Variants in CFAP299 observed in about 807,000 individuals in gnomAD.
CFAP299 encodes cilia and flagella associated protein 299.
Under a neutral mutation model 27.0 loss-of-function variants are expected in CFAP299, and 21 were observed. The observed-to-expected ratio is 0.78, with a 90% CI of 0.55 to 1.12. The LOEUF is 1.12. CFAP299 is among the 50% of genes most tolerant of loss of function. CFAP299 has a pLI of 0.00. For synonymous variants in CFAP299, 104 were observed against 98.1 expected, an observed-to-expected ratio of 1.06 and a Z score of -0.36; for missense variants, 310 against 276.6, an observed-to-expected ratio of 1.12 and a Z score of -0.86.
chr4:80,703,715 A>G (rs1047626414), intron 3 of CFAP299, among the ~76,000 whole-genome samples: 1 of 151,496 alleles, frequency 6.6e-6, no homozygotes, highest in Non-Finnish European at 1.5e-5. Flanking sequence ...CCTTTCTCCC[A>G]TTCTTCCCCT....
intron 4 of CFAP299, among the ~76,000 whole-genome samples, chr4:80,877,108 T>C (rs1041423245): frequency 6.6e-5 from 10 of 152,140 alleles, no homozygotes; most frequent in African/African-American, 2.4e-4. Context: ...CTAAAAGTCT[T>C]TAGGGAAACA....
chr4:80,352,845 A>G (rs1375553350), intron 1 of CFAP299, among the ~76,000 whole-genome samples: 1 of 152,110 alleles, frequency 6.6e-6, no homozygotes, highest in Non-Finnish European at 1.5e-5. Context: ...TAAAAGAAAA[A>G]TTAGAAAAAA....
chr4:80,886,469 GC>G (rs1733977667), intron 4 of CFAP299, among the ~76,000 whole-genome samples: 1 of 152,156 alleles, frequency 6.6e-6, no homozygotes, highest in Non-Finnish European at 1.5e-5. Flanking sequence ...AAGAGTCTCT[GC>G]CTGGTAATCC....
At chr4:80,906,673 G>A (rs1443795513) in intron 4 of CFAP299, among the ~76,000 whole-genome samples, 1 of 152,204 alleles carries the variant, frequency 6.6e-6, no homozygotes, top group Non-Finnish European at 1.5e-5. Context: ...AAGCCACCAA[G>A]GGTTGGGGCT....
At chr4:80,915,405 A>AT (rs1193110467) in intron 4 of CFAP299, among the ~76,000 whole-genome samples, 7 of 150,968 alleles carry the variant, frequency 4.6e-5, no homozygotes, top group African/African-American at 1.2e-4. Flanking sequence ...GTTTTTTAAG[A>AT]TTTTGTCCTG....
intron 3 of CFAP299, among the ~76,000 whole-genome samples, chr4:80,725,581 G>A (rs941922720): frequency 3.9e-5 from 6 of 152,268 alleles, no homozygotes; most frequent in Non-Finnish European, 8.8e-5. Context: ...ACTACCCCTG[G>A]AAAAGTCAGA....
At chr4:80,879,781 G>A (rs886409335) in intron 4 of CFAP299, among the ~76,000 whole-genome samples, 1 of 152,118 alleles carries the variant, frequency 6.6e-6, no homozygotes, top group South Asian at 2.1e-4. Flanking sequence ...TGGGTTAATG[G>A]CACTTATTAA....
chr4:80,817,831 T>C (rs2110121735), intron 3 of CFAP299, among the ~76,000 whole-genome samples: 1 of 152,198 alleles, frequency 6.6e-6, no homozygotes, highest in Non-Finnish European at 1.5e-5. Context: ...GTTTTCTTTT[T>C]TTTTTTCTTC....
At chr4:80,653,380 A>G (rs1471325010) in intron 3 of CFAP299, among the ~76,000 whole-genome samples, 1 of 149,572 alleles carries the variant, frequency 6.7e-6, no homozygotes, top group African/African-American at 2.5e-5. Flanking sequence ...TTTTTACTCA[A>G]CTGGATTATG....
At chr4:80,337,429 A>C (rs1285206476) in intron 1 of CFAP299, among the ~76,000 whole-genome samples, 1 of 147,260 alleles carries the variant, frequency 6.8e-6, no homozygotes, top group African/African-American at 2.5e-5. Context: ...ATAGAGTTTC[A>C]CTCTGTGGCC....
intron 1 of CFAP299, among the ~76,000 whole-genome samples, chr4:80,352,108 A>G (rs1723042959): frequency 6.6e-6 from 1 of 152,162 alleles, no homozygotes; most frequent in East Asian, 1.9e-4. Context: ...CAATCAATAC[A>G]TTAGCTTACA....
chr4:80,585,554 A>G (rs1255531605), intron 3 of CFAP299, among the ~76,000 whole-genome samples: 2 of 152,168 alleles, frequency 1.3e-5, no homozygotes, highest in Admixed American at 1.3e-4. Flanking sequence ...GAGGCAATGA[A>G]GCCAAAGAGA....
At chr4:80,704,001 T>C (rs547024923) in intron 3 of CFAP299, among the ~76,000 whole-genome samples, 284 of 151,852 alleles carry the variant, frequency 1.9e-3, no homozygotes, top group Middle Eastern at 0.017. Flanking sequence ...TTCTTTGTTT[T>C]ATTTTTTGCC....
intron 2 of CFAP299, among the ~76,000 whole-genome samples, chr4:80,517,982 A>T (rs1358700852): frequency 6.6e-6 from 1 of 152,180 alleles, no homozygotes; most frequent in Non-Finnish European, 1.5e-5. Context: ...TCTGAGTGAT[A>T]AAGCCAGAAT....
At chr4:80,634,892 G>T (rs1170282951) in intron 3 of CFAP299, among the ~76,000 whole-genome samples, 1 of 151,942 alleles carries the variant, frequency 6.6e-6, no homozygotes, top group Admixed American at 6.6e-5. Context: ...ACTAGAATTT[G>T]CTAACATGTA....
At chr4:80,853,477 G>A (rs1731643579) in intron 3 of CFAP299, among the ~76,000 whole-genome samples, 1 of 152,226 alleles carries the variant, frequency 6.6e-6, no homozygotes, top group South Asian at 2.1e-4. Context: ...AAGATTTCTA[G>A]AGGAGTGAAA....
chr4:80,916,274 TA>T (rs1399116722), intron 4 of CFAP299, among the ~76,000 whole-genome samples: 1 of 112,106 alleles, frequency 8.9e-6, no homozygotes, highest in African/African-American at 4.6e-5. Context: ...TATATATATA[TA>T]TATATATATA....
chr4:80,896,555 A>T (rs538542409), intron 4 of CFAP299, among the ~76,000 whole-genome samples: 1 of 152,126 alleles, frequency 6.6e-6, no homozygotes, highest in African/African-American at 2.4e-5. Flanking sequence ...AAGTCAAATC[A>T]TATGTAACAC....
chr4:80,511,202 T>C (rs1732282276), intron 2 of CFAP299, among the ~76,000 whole-genome samples: 1 of 152,140 alleles, frequency 6.6e-6, no homozygotes, highest in Non-Finnish European at 1.5e-5. Flanking sequence ...CCTCCCCTTA[T>C]CTATATTAAA....
Sources: allele counts gnomAD v4.1 joint callset (sites outside exome capture counted in the v4.1 genomes callset), GRCh38; gene constraint gnomAD v4.1.1; transcripts MANE v1.5; gene names NCBI Gene and HGNC (gene_info 2026-07-23, HGNC 2026-07-21).